Variants in ARHGEF9 observed in about 807,000 individuals in gnomAD.
ARHGEF9 encodes the protein rho guanine nucleotide exchange factor 9.
ARHGEF9 carries 2 observed loss-of-function variants against 41.3 expected under a neutral mutation model. The ratio of observed to expected loss-of-function variants is 0.05; its 90% CI spans 0.02 to 0.15. The LOEUF (loss-of-function observed/expected upper bound fraction) is 0.15. Among genes scored for constraint, ARHGEF9 ranks in the 10% least tolerant of loss-of-function variants. ARHGEF9 has a pLI of 1.00. For missense variants in ARHGEF9, 225 were observed against 424.7 expected (o/e 0.53, Z 4.13); for synonymous variants, 160 against 154.4 (o/e 1.04, Z -0.27).
intron 1 of ARHGEF9, chrX:63,754,687 G>A (rs1569504678): frequency 2.1e-6 from 2 of 958,613 alleles, no homozygotes; most frequent in African/African-American, 2.0e-5. Context: ...CTAGAAAGGA[G>A]AGGAGGAAGT....
intron 1 of ARHGEF9, among the ~76,000 whole-genome samples, chrX:63,747,895 A>C (rs1556436071): frequency 2.7e-5 from 3 of 112,545 alleles, no homozygotes; most frequent in Non-Finnish European, 5.6e-5. Context: ...ACCCTCAGCC[A>C]AGTTCTGAAC....
chrX:63,710,251 T>C (rs1211939538), intron 2 of ARHGEF9, among the ~76,000 whole-genome samples: 10 of 96,952 alleles, frequency 1.0e-4, no homozygotes, highest in Non-Finnish European at 2.0e-4. Context: ...AAGAAAAAGA[T>C]TTAATAAATA....
chrX:63,772,764 C>T (rs1325618722), intron 1 of ARHGEF9, among the ~76,000 whole-genome samples: 5 of 111,172 alleles, frequency 4.5e-5, no homozygotes, highest in Non-Finnish European at 9.4e-5. Context: ...CTGCCTTACT[C>T]TCTACCCTCT....
chrX:63,639,478 C>T (rs782740578), intron 9 of ARHGEF9: 2 of 111,425 alleles, frequency 1.8e-5, no homozygotes, highest in African/African-American at 6.5e-5. Context: ...TAACATTTTG[C>T]AAAACAATAG....
chrX:63,697,065 G>A (rs782598395), intron 4 of ARHGEF9, 60 bp downstream of exon 4: 18 of 1,141,217 alleles, frequency 1.6e-5, no homozygotes, highest in African/African-American at 3.6e-5. Context: ...CAGCTCAAAC[G>A]CTCCTTCCAT....
chrX:63,679,188 AAG>A (rs1184298768), intron 4 of ARHGEF9, among the ~76,000 whole-genome samples: 7 of 111,357 alleles, frequency 6.3e-5, no homozygotes, highest in Admixed American at 2.9e-4. Flanking sequence ...TATGTACATA[AAG>A]AGAGGGGAAG....
At chrX:63,766,699 T>C (rs1357726686) in intron 1 of ARHGEF9, among the ~76,000 whole-genome samples, 9 of 111,770 alleles carry the variant, frequency 8.1e-5, no homozygotes, top group African/African-American at 2.9e-4. Flanking sequence ...TCTCAGCGTA[T>C]GAACTGAGTG....
At position 63,637,840 on chromosome X, in the gene ARHGEF9, ATC is replaced by A. The variant is rs1232892034; in HGVS notation, c.*186_*187del. ...ACAACAGAAAACACTTTTGTTCCTT[ATC>A]TCTCTGTGTGTGTGTGTGTGTGTGT... On this transcript the variant is annotated 3_prime_UTR_variant, in exon 10 of 10. Coordinates refer to ENST00000671741, the MANE Select transcript of ARHGEF9 (RefSeq NM_001353921.2). 5.9e-4 allele frequency: 193 copies of A among 325,788 alleles called. No homozygotes were observed. The highest frequency in any genetic ancestry group is 2.8e-3 in the African/African-American group (75 of 26,810). 26.8% of individuals were successfully genotyped at this position (325,788 alleles called of 1,213,427 possible).
At chrX:63,745,988 A>G (rs1556433276) in intron 1 of ARHGEF9, among the ~76,000 whole-genome samples, 1 of 112,099 alleles carries the variant, frequency 8.9e-6, no homozygotes, top group Non-Finnish European at 1.9e-5. Context: ...CTAACATTCC[A>G]TTTGAGAACA....
chrX:63,712,948 TACA>T (rs2053039462), intron 2 of ARHGEF9: 1 of 111,468 alleles, frequency 9.0e-6, no homozygotes, highest in African/African-American at 3.3e-5. Context: ...CAGCCCTTGG[TACA>T]ACCTCTTCAA....
chrX:63,739,195 A>C (rs1242257051), intron 1 of ARHGEF9, among the ~76,000 whole-genome samples: 1 of 111,779 alleles, frequency 8.9e-6, no homozygotes, highest in Non-Finnish European at 1.9e-5. Context: ...AACTGTGAGG[A>C]GGTGCGGGTG....
chrX:63,652,426 T>C (rs1213432555), intron 8 of ARHGEF9, among the ~76,000 whole-genome samples: 2 of 111,511 alleles, frequency 1.8e-5, no homozygotes, highest in Non-Finnish European at 3.8e-5. Flanking sequence ...TTGTGTTAGG[T>C]ATTATAAATA....
intron 1 of ARHGEF9, among the ~76,000 whole-genome samples, chrX:63,730,264 T>C (rs1464808150): frequency 1.8e-5 from 2 of 112,614 alleles, no homozygotes; most frequent in Non-Finnish European, 3.8e-5. Context: ...GGGCTTTCTT[T>C]TGTGATTTCA....
intron 4 of ARHGEF9, among the ~76,000 whole-genome samples, chrX:63,692,217 C>A (rs1270594589): frequency 8.9e-6 from 1 of 111,895 alleles, no homozygotes; most frequent in African/African-American, 3.2e-5. Context: ...GGGATTATAT[C>A]AAGCTAAAAA....
chrX:63,767,242 T>C, intron 1 of ARHGEF9: 2 of 575,522 alleles, frequency 3.5e-6, no homozygotes, highest in South Asian at 4.4e-5. Context: ...AATACGTGGA[T>C]GGAAAGCACC....
intron 2 of ARHGEF9, chrX:63,719,862 T>C (rs1475455330): frequency 6.8e-6 from 2 of 293,203 alleles, no homozygotes; most frequent in Non-Finnish European, 1.2e-5. Context: ...GCTGCCTTTG[T>C]TGAAAGATTT....
intron 1 of ARHGEF9, among the ~76,000 whole-genome samples, chrX:63,782,942 A>G (rs1275766064): frequency 8.9e-6 from 1 of 112,790 alleles, no homozygotes; most frequent in Non-Finnish European, 1.9e-5. Flanking sequence ...GCAAGAATAG[A>G]GTTTACTACT....
chrX:63,723,829 G>C (rs1272987554), intron 2 of ARHGEF9, among the ~76,000 whole-genome samples: 5 of 112,224 alleles, frequency 4.5e-5, no homozygotes, highest in African/African-American at 1.6e-4. Context: ...TTCCTCCCAA[G>C]AGCCTCTCTG....
At chrX:63,669,443 C>T (rs782698699) in intron 6 of ARHGEF9, among the ~76,000 whole-genome samples, 21 of 111,809 alleles carry the variant, frequency 1.9e-4, no homozygotes, top group African/African-American at 3.6e-4. Flanking sequence ...CATAATTTCA[C>T]GTATTTGCTC....
Sources: allele counts gnomAD v4.1 joint callset (sites outside exome capture counted in the v4.1 genomes callset), GRCh38; gene constraint gnomAD v4.1.1; transcripts MANE v1.5; gene names NCBI Gene and HGNC (gene_info 2026-07-23, HGNC 2026-07-21).